Variants in NCAM2 observed in about 807,000 individuals in gnomAD.
NCAM2 encodes the protein neural cell adhesion molecule 2, also known as N-CAM-2.
A neutral mutation model predicts 98.1 loss-of-function variants in NCAM2; 30 were observed. That is an observed-to-expected ratio of 0.31 (90% CI 0.23 to 0.41). NCAM2 has a LOEUF of 0.41. Among genes scored for constraint, NCAM2 ranks in the 10% least tolerant of loss-of-function variants. The pLI is 1.00. For missense variants in NCAM2, 867 were observed against 1,005.8 expected (o/e 0.86, Z 1.87); for synonymous variants, 368 against 342.4 (o/e 1.07, Z -0.83).
intron 15 of NCAM2, among the ~76,000 whole-genome samples, chr21:21,480,138 G>A (rs1020586511): frequency 3.3e-5 from 5 of 151,904 alleles, no homozygotes; most frequent in Non-Finnish European, 7.4e-5. Context: ...AGGCCGAGGC[G>A]GGCGGATCAC....
chr21:21,504,530 G>A (rs1225934203), intron 15 of NCAM2, among the ~76,000 whole-genome samples: 1 of 151,816 alleles, frequency 6.6e-6, no homozygotes, highest in East Asian at 1.9e-4. Flanking sequence ...TCTTAATGAT[G>A]TCATTTCATA....
intron 1 of NCAM2, among the ~76,000 whole-genome samples, chr21:21,258,194 T>C (rs1366381752): frequency 6.6e-6 from 1 of 152,172 alleles, no homozygotes; most frequent in African/African-American, 2.4e-5. Flanking sequence ...AATTTTCTAC[T>C]TTAAAGTATA....
In NCAM2 at chr21:21,432,157, C is replaced by A. The variant is rs955673419; in HGVS notation, c.1530C>A (p.Thr510=). 9 of 1,614,010 alleles carry A rather than the reference C, an allele frequency of 5.6e-6. No homozygotes were observed. The East Asian group carries it at 2.0e-4, about 36-fold the overall frequency. Residue 510 remains threonine (T), a synonymous_variant, in exon 12 of 18, where the codon ACC becomes ACA. Transcript: ENST00000400546. The stretch of plus-strand genomic sequence containing the variant: ...TGAAGATCATAGAGCTGTCGCAGAC[C>A]ACGGCCAAGGTTTCCTTCAACAAAC... ...YGVKIIELSQ[T]TAKVSFNKPD...
At chr21:21,006,477 C>G (rs1055181988) in intron 1 of NCAM2, among the ~76,000 whole-genome samples, 2 of 152,144 alleles carry the variant, frequency 1.3e-5, no homozygotes, top group Admixed American at 1.3e-4. Flanking sequence ...TCACTGCACT[C>G]CAGCCTGGGT....
chr21:21,437,029 C>T (rs1454609566), intron 12 of NCAM2, among the ~76,000 whole-genome samples: 2 of 152,016 alleles, frequency 1.3e-5, no homozygotes, highest in South Asian at 2.1e-4. Context: ...CCTGCCTCAT[C>T]CTCCCAAAGT....
At chr21:21,155,092 G>A (rs1048314044) in intron 1 of NCAM2, among the ~76,000 whole-genome samples, 1 of 151,564 alleles carries the variant, frequency 6.6e-6, no homozygotes, top group Non-Finnish European at 1.5e-5. Flanking sequence ...GGCTGAACAG[G>A]AAGGATAAAT....
chr21:21,197,778 A>AACAGTAG, intron 1 of NCAM2, among the ~76,000 whole-genome samples: 1 of 152,198 alleles, frequency 6.6e-6, no homozygotes, highest in East Asian at 1.9e-4. Context: ...GATCATAAGA[A>AACAGTAG]ACAGTAGACT....
intron 9 of NCAM2, among the ~76,000 whole-genome samples, chr21:21,406,523 C>G (rs894909786): frequency 1.3e-5 from 2 of 152,138 alleles, no homozygotes; most frequent in Non-Finnish European, 2.9e-5. Context: ...TAAGAAGAAC[C>G]TGACTAAAGT....
chr21:21,387,306 T>C (rs2076291865), intron 9 of NCAM2, among the ~76,000 whole-genome samples: 1 of 151,870 alleles, frequency 6.6e-6, no homozygotes, highest in African/African-American at 2.4e-5. Flanking sequence ...TTAAACCTAA[T>C]TGCTCCCCAA....
At chr21:21,215,740 TAAATAAAC>T (rs1342380844) in intron 1 of NCAM2, among the ~76,000 whole-genome samples, 11 of 121,586 alleles carry the variant, frequency 9.0e-5, no homozygotes, top group South Asian at 6.8e-4. Flanking sequence ...AAAAAATAAA[TAAATAAAC>T]AGAGTAAACG....
intron 1 of NCAM2, among the ~76,000 whole-genome samples, chr21:21,252,978 C>G (rs1438513955): frequency 6.6e-6 from 1 of 152,174 alleles, no homozygotes; most frequent in Non-Finnish European, 1.5e-5. Context: ...GCACTAAAAG[C>G]TAATGGAAAA....
At chr21:21,345,186 C>A (rs2075154203) in intron 8 of NCAM2, among the ~76,000 whole-genome samples, 1 of 151,996 alleles carries the variant, frequency 6.6e-6, no homozygotes, top group African/African-American at 2.4e-5. Flanking sequence ...GTGAAGAATG[C>A]AATTAATACC....
At chr21:21,400,253 T>C (rs866684372) in intron 9 of NCAM2, among the ~76,000 whole-genome samples, 4 of 152,334 alleles carry the variant, frequency 2.6e-5, no homozygotes, top group South Asian at 2.1e-4. Context: ...GTCAAGGGCA[T>C]GGATTTAAGA....
intron 9 of NCAM2, among the ~76,000 whole-genome samples, chr21:21,403,814 T>C (rs1363276741): frequency 2.0e-5 from 3 of 152,150 alleles, no homozygotes; most frequent in African/African-American, 7.2e-5. Flanking sequence ...ATAAATAAAA[T>C]GTTAATTATT....
intron 2 of NCAM2, among the ~76,000 whole-genome samples, chr21:21,282,674 G>T (rs985768556): frequency 5.9e-5 from 9 of 151,430 alleles, no homozygotes; most frequent in Non-Finnish European, 1.2e-4. Context: ...AAACTAGAAG[G>T]ATGTTACACC....
At chr21:21,009,643 T>A (rs1304229256) in intron 1 of NCAM2, among the ~76,000 whole-genome samples, 1 of 152,020 alleles carries the variant, frequency 6.6e-6, no homozygotes, top group Non-Finnish European at 1.5e-5. Flanking sequence ...AGTAAATGTC[T>A]GCTGTGTCGA....
chr21:21,467,428 T>TTA (rs72131936), intron 13 of NCAM2, among the ~76,000 whole-genome samples: 10,652 of 140,672 alleles, frequency 0.076, 483 homozygotes, highest in African/African-American at 0.13. Context: ...ATATATCTTT[T>TTA]TATATATATA....
chr21:21,431,832 C>T (rs745895366), intron 11 of NCAM2, among the ~76,000 whole-genome samples: 2 of 151,444 alleles, frequency 1.3e-5, no homozygotes, highest in South Asian at 2.1e-4. Flanking sequence ...ATGTTTATAT[C>T]GTATAGAAAA....
chr21:21,455,960 C>A, intron 12 of NCAM2, among the ~76,000 whole-genome samples: 1 of 151,460 alleles, frequency 6.6e-6, no homozygotes. Flanking sequence ...GAATTTCTTC[C>A]CAATATAATA....
Sources: gnomAD v4.1 joint callset for allele counts (sites outside exome capture counted in the v4.1 genomes callset) on GRCh38, gnomAD v4.1.1 for gene constraint, MANE v1.5 for transcripts, NCBI Gene and HGNC (gene_info 2026-07-23, HGNC 2026-07-21) for gene names.